CNTNAP2: variants seen among roughly 807,000 people sequenced by gnomAD.
CNTNAP2 encodes contactin-associated protein-like 2.
CNTNAP2 carries 98 observed loss-of-function variants against 155.2 expected under a neutral mutation model. The observed-to-expected ratio is 0.63, with a 90% CI of 0.54 to 0.75. The LOEUF is 0.75. Ranked by LOEUF, CNTNAP2 falls within the 30% of genes least tolerant of loss-of-function variation. CNTNAP2 has a pLI of 0.00. For missense variants in CNTNAP2, 1,727 were observed against 1,688.1 expected (o/e 1.02, Z -0.40); for synonymous variants, 651 against 631.2 (o/e 1.03, Z -0.47).
rs1209872371 is a variant in CNTNAP2, at chr7:147,397,785, T to G, written c.1670+2005T>G. Among the ~76,000 whole-genome samples, 4 of 149,990 alleles carry G rather than the reference T, an allele frequency of 2.7e-5. 1 individual carries two copies. The highest frequency in any genetic ancestry group is 9.8e-5 in the African/African-American group (4 of 40,980). On this transcript the variant is annotated intron_variant, in intron 10 of 23. Transcript: ENST00000361727. ...GATACACAAAATTTTTTTTTTTTTT[T>G]GCCAAAATAGGTCAGGCCCAATATT...
intron 1 of CNTNAP2, among the ~76,000 whole-genome samples, chr7:146,360,087 C>T (rs1795060858): frequency 6.6e-6 from 1 of 152,198 alleles, no homozygotes; most frequent in Non-Finnish European, 1.5e-5. Context: ...TCCACTGTTT[C>T]TCTACCTGAT....
intron 18 of CNTNAP2, among the ~76,000 whole-genome samples, chr7:148,184,491 C>T (rs1334258001): frequency 1.3e-5 from 2 of 152,192 alleles, no homozygotes; most frequent in Non-Finnish European, 2.9e-5. Flanking sequence ...ACTTTCTGTG[C>T]TTCTCCCTAG....
intron 12 of CNTNAP2, among the ~76,000 whole-genome samples, chr7:147,615,434 A>G (rs1801269559): frequency 1.0e-5 from 1 of 100,386 alleles, no homozygotes; most frequent in Non-Finnish European, 2.0e-5. Context: ...AACCTGTCTC[A>G]AAAAAAACTG....
intron 1 of CNTNAP2, among the ~76,000 whole-genome samples, chr7:146,458,094 G>A (rs537234723): frequency 5.3e-5 from 8 of 152,172 alleles, no homozygotes; most frequent in African/African-American, 1.9e-4. Context: ...ACAAGTGGGA[G>A]TTAACGCTGA....
chr7:146,804,441 A>T (rs754168217), intron 2 of CNTNAP2, among the ~76,000 whole-genome samples: 31 of 152,174 alleles, frequency 2.0e-4, no homozygotes, highest in South Asian at 4.1e-4. Flanking sequence ...GTAAAATCCA[A>T]CACTTGATCT....
intron 1 of CNTNAP2, among the ~76,000 whole-genome samples, chr7:146,502,312 A>ATATTTTGGC (rs939808179): frequency 7.0e-6 from 1 of 143,630 alleles, no homozygotes; most frequent in African/African-American, 2.6e-5. Flanking sequence ...GGTTGATTCT[A>ATATTTTGGC]TATTTTGGCT....
chr7:146,506,540 G>A lies in CNTNAP2; in HGVS notation c.98-267731G>A, dbSNP rs374077016. Among the ~76,000 whole-genome samples, 6 of 152,168 alleles carry A rather than the reference G, an allele frequency of 3.9e-5. No individual in the cohort carries two copies. The South Asian group carries it at 8.3e-4, about 21-fold the overall frequency. On this transcript the variant is annotated intron_variant, in intron 1 of 23. Transcript: ENST00000361727. ...AGGCATTTGCCTCATCATTGCCCAG[G>A]GCAGTGAAAGGCACATGTCCTGACA...
intron 1 of CNTNAP2, among the ~76,000 whole-genome samples, chr7:146,404,124 C>CAAA (rs1163559597): frequency 6.9e-5 from 5 of 72,752 alleles, no homozygotes; most frequent in Admixed American, 2.9e-4. Flanking sequence ...GACTCCGTCT[C>CAAA]AAAAAAAAAA....
chr7:147,407,234 C>T (rs953052923), intron 10 of CNTNAP2, among the ~76,000 whole-genome samples: 2 of 151,972 alleles, frequency 1.3e-5, no homozygotes, highest in East Asian at 1.9e-4. Flanking sequence ...TTTGGGAGGC[C>T]GAGGCGGGCA....
intron 21 of CNTNAP2, among the ~76,000 whole-genome samples, chr7:148,330,267 G>A (rs541847989): frequency 1.3e-5 from 2 of 150,444 alleles, no homozygotes; most frequent in African/African-American, 4.9e-5. Flanking sequence ...TGGACGGATG[G>A]ATGTAATGGA....
chr7:147,953,414 C>T (rs967268016), intron 14 of CNTNAP2, among the ~76,000 whole-genome samples: 330 of 46,818 alleles, frequency 7.0e-3, no homozygotes, highest in African/African-American at 0.017. Flanking sequence ...CTAAGAAATA[C>T]GATTCTCATT....
chr7:147,010,126 C>T (rs1004105902), intron 3 of CNTNAP2, among the ~76,000 whole-genome samples: 2 of 151,178 alleles, frequency 1.3e-5, no homozygotes, highest in Non-Finnish European at 2.9e-5. Context: ...TCTTCCACCT[C>T]GGCCTCCCGA....
At chr7:148,370,639 CT>C (rs145870328) in intron 21 of CNTNAP2, among the ~76,000 whole-genome samples, 47,264 of 151,184 alleles carry the variant, frequency 0.31, 7,964 homozygotes, top group Non-Finnish European at 0.39. Context: ...TGGTCCCCCC[CT>C]ACCCCTGCCC....
At chr7:147,910,558 C>G (rs1322470893) in intron 14 of CNTNAP2, among the ~76,000 whole-genome samples, 1 of 152,060 alleles carries the variant, frequency 6.6e-6, no homozygotes, top group East Asian at 1.9e-4. Context: ...AAGAGACACC[C>G]GAGACTGGGT....
intron 8 of CNTNAP2, among the ~76,000 whole-genome samples, chr7:147,176,821 A>AATTATAATATATAATTATAT (rs1005254309): frequency 3.2e-5 from 4 of 126,814 alleles, no homozygotes; most frequent in Admixed American, 2.7e-4. Context: ...GATATAGAAT[A>AATTATAATATATAATTATAT]ATTATAATAT....
At chr7:147,763,375 G>A (rs1158988821) in intron 13 of CNTNAP2, among the ~76,000 whole-genome samples, 1 of 151,600 alleles carries the variant, frequency 6.6e-6, no homozygotes, top group Non-Finnish European at 1.5e-5. Flanking sequence ...AAGCTGTGGT[G>A]TTGGGAGAAA....
intron 1 of CNTNAP2, among the ~76,000 whole-genome samples, chr7:146,145,190 C>A (rs1267345740): frequency 6.6e-6 from 1 of 152,178 alleles, no homozygotes; most frequent in Non-Finnish European, 1.5e-5. Context: ...ACAGCTCTAT[C>A]CCCCGTGTCC....
chr7:147,132,297 A>G lies in CNTNAP2; in HGVS notation c.1136A>G (p.Asn379Ser), dbSNP rs1003978346. Reference protein sequence around the residue: ...VEPYTVPVFFNATSYLEVPGR... With the variant: ...VEPYTVPVFFSATSYLEVPGR... The stretch of plus-strand genomic sequence containing the variant: ...CCCTATACGGTGCCTGTCTTTTTCA[A>G]CGCTACAAGTTACCTGGAGGTGCCC... Residue 379 changes from asparagine to serine, a missense_variant, in exon 8 of 24, where the codon AAC (asparagine) becomes AGC (serine). Physicochemically the swap from Asn to Ser is conservative, Grantham distance 46. Transcript: ENST00000361727. 4.3e-6 allele frequency: 7 copies of G among 1,613,752 alleles called. No individual in the cohort carries two copies. The highest frequency in any genetic ancestry group is 5.1e-6 in the Non-Finnish European group (6 of 1,179,800).
chr7:146,501,621 T>C (rs1373835378), intron 1 of CNTNAP2, among the ~76,000 whole-genome samples: 1 of 152,182 alleles, frequency 6.6e-6, no homozygotes, highest in Non-Finnish European at 1.5e-5. Flanking sequence ...GAGTATTCTT[T>C]CTTTTTCTCT....
Sources: gnomAD v4.1 joint callset for allele counts (sites outside exome capture counted in the v4.1 genomes callset) on GRCh38, gnomAD v4.1.1 for gene constraint, MANE v1.5 for transcripts, NCBI Gene and HGNC (gene_info 2026-07-23, HGNC 2026-07-21) for gene names.